KIAA0825: variants seen among roughly 807,000 people sequenced by gnomAD.
KIAA0825 encodes the protein KIAA0825.
Under a neutral mutation model 147.6 loss-of-function variants are expected in KIAA0825, and 119 were observed. The observed-to-expected ratio is 0.81, with a 90% CI of 0.69 to 0.94. The LOEUF (loss-of-function observed/expected upper bound fraction) is 0.94, where lower values mean the gene tolerates loss of function less well. Ranked by LOEUF, KIAA0825 falls within the 40% of genes least tolerant of loss-of-function variation. The probability of loss-of-function intolerance (pLI) is 0.00; values close to 1 mark genes in which losing one functional copy is unlikely to be tolerated. For missense variants in KIAA0825, 1,381 were observed against 1,472.7 expected (o/e 0.94, Z 1.02); for synonymous variants, 470 against 518.1 (o/e 0.91, Z 1.26).
intron 20 of KIAA0825, among the ~76,000 whole-genome samples, chr5:94,175,462 A>G (rs1449349112): frequency 6.6e-6 from 1 of 152,194 alleles, no homozygotes; most frequent in Non-Finnish European, 1.5e-5. Flanking sequence ...CATCAGAGAA[A>G]GTCAAGTACT....
chr5:94,489,956 A>AGG (rs1364077174), intron 5 of KIAA0825, among the ~76,000 whole-genome samples: 1 of 151,958 alleles, frequency 6.6e-6, no homozygotes, highest in Non-Finnish European at 1.5e-5. Context: ...GAGGACCTGC[A>AGG]GGCATTGTTT....
At chr5:94,273,779 AGGT>A (rs1777094147) in intron 20 of KIAA0825, among the ~76,000 whole-genome samples, 2 of 146,348 alleles carry the variant, frequency 1.4e-5, no homozygotes, top group South Asian at 4.3e-4. Flanking sequence ...AATGGTTAGG[AGGT>A]TAAAAAAAAA....
intron 20 of KIAA0825, among the ~76,000 whole-genome samples, chr5:94,336,181 C>A (rs1562389682): frequency 1.3e-5 from 2 of 151,842 alleles, no homozygotes; most frequent in Non-Finnish European, 2.9e-5. Flanking sequence ...ACCAGCCTAG[C>A]CGACATGGTG....
intron 10 of KIAA0825, among the ~76,000 whole-genome samples, chr5:94,467,644 T>C (rs1192694142): frequency 6.6e-6 from 1 of 152,242 alleles, no homozygotes; most frequent in Non-Finnish European, 1.5e-5. Flanking sequence ...TGTATCTAGA[T>C]CTCACTTGCT....
chr5:94,309,374 G>A (rs766769189), intron 20 of KIAA0825, among the ~76,000 whole-genome samples: 5 of 151,736 alleles, frequency 3.3e-5, no homozygotes, highest in Non-Finnish European at 5.9e-5. Context: ...TCAGTGTCCA[G>A]TGTTCTGCTC....
intron 20 of KIAA0825, among the ~76,000 whole-genome samples, chr5:94,290,155 T>G (rs1777823365): frequency 6.6e-6 from 1 of 152,156 alleles, no homozygotes; most frequent in African/African-American, 2.4e-5. Flanking sequence ...TTTATTATAC[T>G]TTAAGTTCTG....
intron 20 of KIAA0825, among the ~76,000 whole-genome samples, chr5:94,239,619 A>G (rs1480879970): frequency 7.2e-5 from 11 of 152,272 alleles, no homozygotes; most frequent in Non-Finnish European, 1.0e-4. Context: ...TCTGCTCTAG[A>G]AATTATACCA....
At chr5:94,500,521 C>T (rs1764942417) in intron 5 of KIAA0825, among the ~76,000 whole-genome samples, 1 of 152,050 alleles carries the variant, frequency 6.6e-6, no homozygotes, top group African/African-American at 2.4e-5. Flanking sequence ...GCAGCATTAA[C>T]TTAGACTGGG....
chr5:94,380,126 T>C lies in KIAA0825; in HGVS notation c.3710+4242A>G, dbSNP rs1369868488. Among the ~76,000 whole-genome samples, 3 of 152,206 alleles carry C rather than the reference T, an allele frequency of 2.0e-5. No individual in the cohort carries two copies. In the East Asian group the frequency reaches 5.8e-4, roughly 29 times the overall value. ...CCTCAGCCTCCCAAAGTGCTGGGGT[T>C]ACAGGCGTGAGCCACCGTGCCTGGC... On this transcript the variant is annotated intron_variant, in intron 20 of 20. Coordinates refer to ENST00000682413, the MANE Select transcript of KIAA0825 (RefSeq NM_001145678.3).
At chr5:94,249,294 C>G (rs1775814711) in intron 20 of KIAA0825, among the ~76,000 whole-genome samples, 1 of 152,092 alleles carries the variant, frequency 6.6e-6, no homozygotes, top group Non-Finnish European at 1.5e-5. Flanking sequence ...ACTAATCTCT[C>G]ACAAAGTATA....
chr5:94,542,182 T>G (rs1219483655), intron 2 of KIAA0825, among the ~76,000 whole-genome samples: 5 of 152,200 alleles, frequency 3.3e-5, no homozygotes, highest in African/African-American at 1.2e-4. Flanking sequence ...GACATCAGAA[T>G]GGAGGAAAAA....
intron 12 of KIAA0825, among the ~76,000 whole-genome samples, chr5:94,453,550 C>T (rs1758705986): frequency 2.0e-5 from 3 of 151,914 alleles, no homozygotes; most frequent in Admixed American, 2.0e-4. Context: ...ACTTCATCCG[C>T]TTGGGATTTA....
At chr5:94,588,354 G>A (rs1443381311) in intron 1 of KIAA0825, among the ~76,000 whole-genome samples, 1 of 149,450 alleles carries the variant, frequency 6.7e-6, no homozygotes, top group African/African-American at 2.4e-5. Context: ...AAGAAAAAAA[G>A]TCCCCATCAA....
intron 12 of KIAA0825, among the ~76,000 whole-genome samples, chr5:94,455,585 G>T (rs940980969): frequency 6.6e-6 from 1 of 152,068 alleles, no homozygotes; most frequent in Admixed American, 6.6e-5. Context: ...AAGATAGAAA[G>T]GATGTTTAAA....
intron 1 of KIAA0825, among the ~76,000 whole-genome samples, chr5:94,583,949 C>A (rs527664418): frequency 6.6e-6 from 1 of 151,856 alleles, no homozygotes; most frequent in African/African-American, 2.4e-5. Context: ...AGCTGAGGGG[C>A]CTGTTAGAAG....
At chr5:94,384,111 C>T (rs556817504) in intron 20 of KIAA0825, among the ~76,000 whole-genome samples, 1 of 152,228 alleles carries the variant, frequency 6.6e-6, no homozygotes, top group South Asian at 2.1e-4. Flanking sequence ...AATCTCATCT[C>T]TGAAACAAAT....
At position 94,473,382 on chromosome 5, in the gene KIAA0825, C is replaced by CA. The variant is rs750758392; in HGVS notation, c.1364dup (p.Ser456GlufsTer21). ...CATTTACAAGGTTCATAGCATAGCT[C>CA]ACAGCTGAAGACCTTTCATTCTGTT... On this transcript the variant is annotated frameshift_variant, in exon 8 of 21. Transcript: ENST00000682413. LOFTEE classifies it high-confidence loss of function. 17 of 1,551,894 alleles carry CA rather than the reference C, an allele frequency of 1.1e-5. No homozygotes were observed. The highest frequency in any genetic ancestry group is 1.1e-5 in the Non-Finnish European group (13 of 1,147,078).
At chr5:94,394,341 T>C (rs1000589881) in intron 17 of KIAA0825, among the ~76,000 whole-genome samples, 7 of 152,200 alleles carry the variant, frequency 4.6e-5, no homozygotes, top group Admixed American at 4.6e-4. Context: ...GTGCTAATTA[T>C]ATAATTACTC....
intron 2 of KIAA0825, among the ~76,000 whole-genome samples, chr5:94,537,695 G>C (rs1379454010): frequency 6.7e-6 from 1 of 149,878 alleles, no homozygotes; most frequent in Non-Finnish European, 1.5e-5. Flanking sequence ...GCAGCCCTCA[G>C]AGACTACTTA....
Sources: gnomAD v4.1 joint callset for allele counts (sites outside exome capture counted in the v4.1 genomes callset) on GRCh38, gnomAD v4.1.1 for gene constraint, MANE v1.5 for transcripts, NCBI Gene and HGNC (gene_info 2026-07-23, HGNC 2026-07-21) for gene names.